The following KCNIP4 variants were observed in gnomAD, a reference collection of about 807,000 sequenced individuals.
KCNIP4 encodes Kv channel-interacting protein 4.
In KCNIP4, 12 loss-of-function variants were observed where a neutral mutation model predicts 34.0. That is an observed-to-expected ratio of 0.35 (90% confidence interval 0.23 to 0.57). The LOEUF (loss-of-function observed/expected upper bound fraction) is 0.57. Ranked by LOEUF, KCNIP4 falls within the 20% of genes least tolerant of loss-of-function variation. KCNIP4 has a pLI of 0.83. For missense variants in KCNIP4, 238 were observed against 311.7 expected (o/e 0.76, Z 1.78); for synonymous variants, 124 against 102.2 (o/e 1.21, Z -1.29).
In KCNIP4 at chr4:21,934,525, C is replaced by A. The variant is rs554871864; in HGVS notation, c.61+14046G>T. On this transcript the variant is annotated intron_variant, in intron 1 of 8. Transcript: ENST00000382152. The stretch of plus-strand genomic sequence containing the variant: ...AGAAAATATCCAGACTATATAAGAT[C>A]TCTATACTGTATATAACATAGAAAC... Among the ~76,000 whole-genome samples the A allele has an allele frequency of 2.0e-5, 3 of 152,152 alleles. No individual in the cohort carries two copies. The South Asian group carries it at 6.2e-4, about 32-fold the overall frequency.
chr4:21,264,378 A>C (rs1460887401), intron 1 of KCNIP4, among the ~76,000 whole-genome samples: 6 of 152,186 alleles, frequency 3.9e-5, no homozygotes, highest in African/African-American at 1.4e-4. Flanking sequence ...GCAAAATGAG[A>C]ATCAGAAAGG....
chr4:21,460,700 C>T (rs1168733674), intron 1 of KCNIP4, among the ~76,000 whole-genome samples: 2 of 152,044 alleles, frequency 1.3e-5, no homozygotes, highest in Middle Eastern at 3.2e-3. Context: ...CCAAAGTCCC[C>T]ACCTCCAAGT....
chr4:21,867,258 C>T (rs950220507), intron 1 of KCNIP4, among the ~76,000 whole-genome samples: 2 of 152,100 alleles, frequency 1.3e-5, no homozygotes, highest in Non-Finnish European at 2.9e-5. Flanking sequence ...TTCAGTGCAA[C>T]AATTTGAAGG....
intron 1 of KCNIP4, among the ~76,000 whole-genome samples, chr4:21,884,613 GAA>G (rs1454859519): frequency 6.6e-6 from 1 of 151,872 alleles, no homozygotes; most frequent in Non-Finnish European, 1.5e-5. Flanking sequence ...AAGAAAAAGA[GAA>G]AAAAAGAGGA....
At chr4:21,256,906 A>AGC (rs1560222265) in intron 1 of KCNIP4, among the ~76,000 whole-genome samples, 5 of 152,108 alleles carry the variant, frequency 3.3e-5, no homozygotes, top group Non-Finnish European at 7.4e-5. Flanking sequence ...TTGGTTGCTG[A>AGC]ATGTGCTTTC....
At chr4:21,500,294 T>C (rs537341309) in intron 1 of KCNIP4, among the ~76,000 whole-genome samples, 1 of 152,314 alleles carries the variant, frequency 6.6e-6, no homozygotes, top group South Asian at 2.1e-4. Context: ...TTTTAACGTT[T>C]ATCACCTTAA....
intron 1 of KCNIP4, chr4:21,850,662 G>C (rs964893593): frequency 2.6e-5 from 4 of 151,978 alleles, no homozygotes; most frequent in African/African-American, 9.7e-5. Flanking sequence ...AACAAAAAAA[G>C]CTCATTTAAT....
intron 2 of KCNIP4, among the ~76,000 whole-genome samples, chr4:20,855,859 A>C (rs1721517717): frequency 1.3e-5 from 2 of 152,198 alleles, no homozygotes; most frequent in African/African-American, 4.8e-5. Context: ...AAAGATGAGA[A>C]GGCTGACAAG....
At chr4:21,031,833 A>T (rs1741053036) in intron 1 of KCNIP4, among the ~76,000 whole-genome samples, 1 of 152,244 alleles carries the variant, frequency 6.6e-6, no homozygotes, top group Non-Finnish European at 1.5e-5. Context: ...AATTCTCTTG[A>T]TAACAACTTC....
intron 3 of KCNIP4, among the ~76,000 whole-genome samples, chr4:20,825,232 T>TG (rs1159102497): frequency 4.1e-5 from 1 of 24,194 alleles, no homozygotes; most frequent in African/African-American, 9.8e-5. Flanking sequence ...TACGTTTTTT[T>TG]TTTTTTTTTT....
At chr4:21,869,065 AT>A (rs1725602114) in intron 1 of KCNIP4, among the ~76,000 whole-genome samples, 1 of 152,152 alleles carries the variant, frequency 6.6e-6, no homozygotes, top group Non-Finnish European at 1.5e-5. Context: ...TTCCAATCTT[AT>A]GGGGTCATGG....
chr4:20,859,879 G>A (rs1490535914), intron 2 of KCNIP4, among the ~76,000 whole-genome samples: 1 of 152,106 alleles, frequency 6.6e-6, no homozygotes, highest in African/African-American at 2.4e-5. Context: ...ATAATATTAT[G>A]AAGAATAATG....
chr4:21,215,341 G>T (rs1422398564), intron 1 of KCNIP4, among the ~76,000 whole-genome samples: 2 of 150,638 alleles, frequency 1.3e-5, no homozygotes, highest in African/African-American at 4.9e-5. Flanking sequence ...CCTTTTCATG[G>T]TTAAGCTCAA....
At chr4:20,818,832 A>G (rs1716748282) in intron 3 of KCNIP4, among the ~76,000 whole-genome samples, 1 of 151,832 alleles carries the variant, frequency 6.6e-6, no homozygotes, top group South Asian at 2.1e-4. Flanking sequence ...AATATTAAGT[A>G]TTCCAGAATA....
intron 1 of KCNIP4, among the ~76,000 whole-genome samples, chr4:21,437,373 T>G (rs2109690708): frequency 6.6e-6 from 1 of 152,316 alleles, no homozygotes; most frequent in Non-Finnish European, 1.5e-5. Context: ...AAGCCAATTT[T>G]TATAACAAAT....
chr4:21,134,225 C>T (rs1486729070), intron 1 of KCNIP4, among the ~76,000 whole-genome samples: 1 of 152,150 alleles, frequency 6.6e-6, no homozygotes, highest in African/African-American at 2.4e-5. Flanking sequence ...TCCTCTTCCT[C>T]CTTCTTAGTC....
chr4:21,227,449 C>T (rs1758483355), intron 1 of KCNIP4, among the ~76,000 whole-genome samples: 2 of 152,140 alleles, frequency 1.3e-5, no homozygotes, highest in South Asian at 4.1e-4. Context: ...TTAACTTCCC[C>T]CTGTCTGTAT....
At chr4:21,371,127 T>G (rs1235904105) in intron 1 of KCNIP4, among the ~76,000 whole-genome samples, 1 of 143,612 alleles carries the variant, frequency 7.0e-6, no homozygotes, top group African/African-American at 2.9e-5. Context: ...GAACCAAATC[T>G]TGAAGGCTCT....
At chr4:21,899,583 C>T (rs1727593027) in intron 1 of KCNIP4, among the ~76,000 whole-genome samples, 1 of 152,012 alleles carries the variant, frequency 6.6e-6, no homozygotes. Context: ...TAAAAAAATT[C>T]AGCGAAGTTG....
Sources: gnomAD v4.1 joint callset for allele counts (sites outside exome capture counted in the v4.1 genomes callset) on GRCh38, gnomAD v4.1.1 for gene constraint, MANE v1.5 for transcripts, NCBI Gene and HGNC (gene_info 2026-07-23, HGNC 2026-07-21) for gene names.